Variants in RAP2C observed in about 807,000 individuals in gnomAD.
The protein encoded by RAP2C is RAP2C, member of RAS oncogene family, also known as ras-related protein Rap-2c.
Under a neutral mutation model 8.9 loss-of-function variants are expected in RAP2C, and 3 were observed. The ratio of observed to expected loss-of-function variants is 0.34; its 90% CI spans 0.15 to 0.87. RAP2C has a LOEUF of 0.87. Among genes scored for constraint, RAP2C ranks in the 40% least tolerant of loss-of-function variants. The pLI is 0.51. For missense variants in RAP2C, 76 were observed against 133.7 expected (o/e 0.57, Z 2.13); for synonymous variants, 60 against 52.1 (o/e 1.15, Z -0.65).
chrX:132,216,464 T>C (rs965170570), intron 4 of RAP2C, among the ~76,000 whole-genome samples: 2 of 108,642 alleles, frequency 1.8e-5, no homozygotes, highest in Non-Finnish European at 3.8e-5. Flanking sequence ...AGGTCTTGAG[T>C]TCTTCGTCTT....
In RAP2C at chrX:132,217,305, A is replaced by G. The variant is rs758318200; in HGVS notation, c.-37T>C. 58 of 1,052,111 alleles carry G rather than the reference A, an allele frequency of 5.5e-5. No homozygotes were observed. The highest frequency in any genetic ancestry group is 6.8e-5 in the Non-Finnish European group (55 of 809,098). 86.7% of individuals were successfully genotyped at this position (1,052,111 alleles called of 1,213,427 possible). ...TCACCAACTCCTACCAGAGGGGGGG[A>G]AAGATCACCCCGCTAGCTGTGGCGC... On this transcript the variant is annotated 5_prime_UTR_variant, in exon 4 of 6. Coordinates refer to ENST00000370874, the MANE Select transcript of RAP2C (RefSeq NM_001271186.2).
Position 132,203,074 on chromosome X carries a change from T to G in RAP2C, c.*2548A>C, listed in dbSNP as rs1328850723. 1 of 112,223 alleles carries G rather than the reference T, an allele frequency of 8.9e-6. No individual in the cohort carries two copies. Among genetic ancestry groups the G allele is most frequent in the Non-Finnish European group, 1.9e-5 (1 of 53,170 alleles). The allele number at this position is 112,223 out of a possible 1,213,427, so 9.2% of individuals were successfully genotyped here. ...TTAAAAAAGTTACAAACAGGTGGAC[T>G]GCAGGGTCGTCTTACAAAATGACAA... On this transcript the variant is annotated 3_prime_UTR_variant, in exon 6 of 6. Transcript: ENST00000370874.
intron 4 of RAP2C, 49 bp from the exon 5 acceptor site, chrX:132,214,495 A>T: frequency 8.7e-7 from 1 of 1,146,296 alleles, no homozygotes; most frequent in Middle Eastern, 3.0e-4. Context: ...CTGTTTGTAT[A>T]ACCATAACAG....
chrX:132,214,133 C>T lies in RAP2C; in HGVS notation c.*34+1G>A. 8.5e-7 allele frequency: 1 copy of T among 1,177,630 alleles called. No individual in the cohort carries two copies. The highest frequency in any genetic ancestry group is 1.1e-6 in the Non-Finnish European group (1 of 875,966). On this transcript the variant is annotated splice_donor_variant, in intron 5 of 5. Coordinates refer to ENST00000370874, the MANE Select transcript of RAP2C (RefSeq NM_001271186.2). LOFTEE classifies it low-confidence loss of function (3UTR_SPLICE). ...TTCATACAGTTCCATCAAAAACTAA[C>T]CTGCTCGGTATGGCCATGATTGAGG...
chrX:132,216,856 G>A (rs1422686612), intron 4 of RAP2C, 140 bp downstream of exon 4: 4 of 529,480 alleles, frequency 7.6e-6, no homozygotes, highest in Non-Finnish European at 1.1e-5. Context: ...GTCTTCCATG[G>A]CAGGAGTAAC....
At position 132,217,299 on chromosome X, in the gene RAP2C, G is replaced by A. The variant is rs375982144; in HGVS notation, c.-31C>T. On this transcript the variant is annotated 5_prime_UTR_variant, in exon 4 of 6. Transcript: ENST00000370874. ...TCACCTTCACCAACTCCTACCAGAG[G>A]GGGGGAAAGATCACCCCGCTAGCTG... 23 of 1,058,322 alleles carry A rather than the reference G, an allele frequency of 2.2e-5. No homozygotes were observed. The highest frequency in any genetic ancestry group is 1.9e-4 in the African/African-American group (10 of 51,787). The allele number at this position is 1,058,322 out of a possible 1,213,427, so 87.2% of individuals were successfully genotyped here. A position where few individuals can be genotyped will look rare whatever the true frequency, so the allele number is the denominator to read the frequency against.
chrX:132,216,852 C>T (rs1930613366), intron 4 of RAP2C, 144 bp downstream of exon 4: 1 of 509,100 alleles, frequency 2.0e-6, no homozygotes, highest in Non-Finnish European at 2.9e-6. Flanking sequence ...GATAGTCTTC[C>T]ATGGCAGGAG....
At chrX:132,210,919 TTC>T (rs1930409962) in intron 5 of RAP2C, among the ~76,000 whole-genome samples, 1 of 111,149 alleles carries the variant, frequency 9.0e-6, no homozygotes, top group Non-Finnish European at 1.9e-5. Flanking sequence ...TTGGCATTCT[TTC>T]TGTTTGAAGG....
At position 132,204,980 on chromosome X, in the gene RAP2C, C is replaced by CAAAAAAAAAAAAAAAAAA; in HGVS notation, c.*624_*641dup. The CAAAAAAAAAAAAAAAAAA allele has an allele frequency of 1.9e-5, 1 of 51,680 alleles. No homozygotes were observed. The highest frequency in any genetic ancestry group is 3.7e-5 in the Non-Finnish European group (1 of 27,154). 4.3% of individuals were successfully genotyped at this position (51,680 alleles called of 1,213,427 possible). ...TGTAACCTTCAGAACATGTTAATTA[C>CAAAAAAAAAAAAAAAAAA]AAAAAAAAAAAAAAAAAAACAAAAC... is the stretch of plus-strand genomic sequence containing the variant. On this transcript the variant is annotated 3_prime_UTR_variant, in exon 6 of 6. Transcript: ENST00000370874.
At chrX:132,212,065 A>G (rs1930446218) in intron 5 of RAP2C, among the ~76,000 whole-genome samples, 1 of 110,228 alleles carries the variant, frequency 9.1e-6, no homozygotes, top group African/African-American at 3.3e-5. Context: ...AAACCTGCAT[A>G]TAGTGCACTT....
At chrX:132,214,911 A>G (rs187805547) in intron 4 of RAP2C, among the ~76,000 whole-genome samples, 11 of 111,174 alleles carry the variant, frequency 9.9e-5, no homozygotes, top group African/African-American at 2.0e-4. Flanking sequence ...TTTAAGTGGG[A>G]AAAAAAACCA....
intron 4 of RAP2C, among the ~76,000 whole-genome samples, chrX:132,214,975 T>A (rs996199311): frequency 4.5e-5 from 5 of 111,942 alleles, no homozygotes; most frequent in African/African-American, 1.6e-4. Flanking sequence ...ACTTAAATGT[T>A]TTATTTTAAA....
chrX:132,216,957 C>T (rs1278121719), intron 4 of RAP2C, 39 bp downstream of exon 4: 1 of 1,104,307 alleles, frequency 9.1e-7, no homozygotes, highest in Non-Finnish European at 1.2e-6. Flanking sequence ...CGGATTACCA[C>T]ACCCCCTTCT....
chrX:132,208,790 C>T (rs936989534), intron 5 of RAP2C, among the ~76,000 whole-genome samples: 1 of 110,342 alleles, frequency 9.1e-6, no homozygotes, highest in African/African-American at 3.3e-5. Flanking sequence ...CCTCTTGAAC[C>T]GCTAGTACTA....
Position 132,203,235 on chromosome X carries a change from T to C in RAP2C, c.*2387A>G, listed in dbSNP as rs1930170204. 8.9e-6 allele frequency: 1 copy of C among 112,217 alleles called. No individual in the cohort carries two copies. The highest frequency in any genetic ancestry group is 1.9e-5 in the Non-Finnish European group (1 of 53,147). 9.2% of individuals were successfully genotyped at this position (112,217 alleles called of 1,213,427 possible). A position where few individuals can be genotyped will look rare whatever the true frequency, so the allele number is the denominator to read the frequency against. ...TTAGATCCATGATAATAGGTTACATTATTTTATTTGCAGAGCCCTACTGCA... is the reference window on the plus strand; with the variant it reads ...TTAGATCCATGATAATAGGTTACATCATTTTATTTGCAGAGCCCTACTGCA... On this transcript the variant is annotated 3_prime_UTR_variant, in exon 6 of 6. Transcript: ENST00000370874.
At position 132,204,997 on chromosome X, in the gene RAP2C, A is replaced by AAAAAAAAAAAAAAAAAAAG. The variant is rs1569361654; in HGVS notation, c.*624_*625insCTTTTTTTTTTTTTTTTTT. On this transcript the variant is annotated 3_prime_UTR_variant, in exon 6 of 6. Transcript: ENST00000370874. The stretch of plus-strand genomic sequence containing the variant: ...GTTAATTACAAAAAAAAAAAAAAAA[A>AAAAAAAAAAAAAAAAAAAG]AACAAAACACATCACAAACTGCACT... 1 of 110,389 alleles carries AAAAAAAAAAAAAAAAAAAG rather than the reference A, an allele frequency of 9.1e-6. No individual in the cohort carries two copies. The highest frequency in any genetic ancestry group is 1.9e-5 in the Non-Finnish European group (1 of 52,636). 9.1% of individuals were successfully genotyped at this position (110,389 alleles called of 1,213,427 possible). A position where few individuals can be genotyped will look rare whatever the true frequency, so the allele number is the denominator to read the frequency against.
chrX:132,214,198 A>C lies in RAP2C; in HGVS notation c.522T>G (p.Asp174Glu). The change falls in exon 5 of 6, where the codon GAT becomes GAG. Residue 174 changes from aspartate to glutamate, a missense_variant. Coordinates refer to ENST00000370874, the MANE Select transcript of RAP2C (RefSeq NM_001271186.2). Reference sequence around the variant, plus strand: ...GGACGACACAAGTTGTACAACACTGATCTTGCTTCTCCGGCAGGGATGAAT... The same window carrying C: ...GGACGACACAAGTTGTACAACACTGCTCTTGCTTCTCCGGCAGGGATGAAT... ...MNYSSLPEKQ[D>E]QCCTTCVVQ 1 of 1,211,550 alleles carries C rather than the reference A, an allele frequency of 8.3e-7. No homozygotes were observed. The highest frequency in any genetic ancestry group is 1.1e-6 in the Non-Finnish European group (1 of 895,296).
intron 5 of RAP2C, among the ~76,000 whole-genome samples, chrX:132,213,422 A>G (rs1403780184): frequency 9.0e-6 from 1 of 111,659 alleles, no homozygotes; most frequent in Non-Finnish European, 1.9e-5. Flanking sequence ...CATTTAACTC[A>G]GTGAAAGGCC....
chrX:132,210,947 C>T (rs1017732735), intron 5 of RAP2C, among the ~76,000 whole-genome samples: 1 of 110,522 alleles, frequency 9.0e-6, no homozygotes, highest in Non-Finnish European at 1.9e-5. Context: ...ACTGACACCC[C>T]CCACCCCTAC....
Sources: allele counts gnomAD v4.1 joint callset (sites outside exome capture counted in the v4.1 genomes callset), GRCh38; gene constraint gnomAD v4.1.1; transcripts MANE v1.5; gene names NCBI Gene and HGNC (gene_info 2026-07-23, HGNC 2026-07-21).